CATSPER2: variants seen among roughly 807,000 people sequenced by gnomAD.
CATSPER2 encodes the protein cation channel sperm-associated protein 2.
Under a neutral mutation model 68.8 loss-of-function variants are expected in CATSPER2, and 56 were observed. That is an observed-to-expected ratio of 0.81 (90% CI 0.66 to 1.02). The LOEUF (loss-of-function observed/expected upper bound fraction) is 1.02, where lower values mean the gene tolerates loss of function less well. CATSPER2 is among the 50% of genes least tolerant of loss of function. The pLI is 0.00. For synonymous variants in CATSPER2, 198 were observed against 229.9 expected (o/e 0.86, Z 1.26); for missense variants, 582 against 642.0 (o/e 0.91, Z 1.01).
At chr15:43,644,597 T>C (rs1484668248) in intron 4 of CATSPER2, among the ~76,000 whole-genome samples, 3 of 151,944 alleles carry the variant, frequency 2.0e-5, no homozygotes, top group African/African-American at 7.3e-5. Flanking sequence ...CATTACCGCC[T>C]GAGCTCCACC....
intron 7 of CATSPER2, among the ~76,000 whole-genome samples, chr15:43,637,468 C>A (rs17727979): frequency 0.018 from 2,671 of 151,816 alleles, 61 homozygotes; most frequent in Middle Eastern, 0.041. Flanking sequence ...AGGATAAAAT[C>A]TGGGACTTTC....
intron 10 of CATSPER2, 26 bp downstream of exon 10, chr15:43,635,334 T>A: frequency 6.3e-7 from 1 of 1,586,068 alleles, no homozygotes; most frequent in Non-Finnish European, 8.6e-7. Flanking sequence ...TGTGTTTCTA[T>A]CCCAGTTCAC....
intron 12 of CATSPER2, 91 bp downstream of exon 12, chr15:43,632,108 T>C: frequency 7.1e-6 from 10 of 1,400,826 alleles, no homozygotes; most frequent in Non-Finnish European, 1.0e-5. Context: ...GAAGCTGAGA[T>C]GCCAGAATAG....
intron 4 of CATSPER2, among the ~76,000 whole-genome samples, chr15:43,644,201 T>TC (rs1316352747): frequency 6.6e-6 from 1 of 151,992 alleles, no homozygotes; most frequent in African/African-American, 2.4e-5. Flanking sequence ...CACTTTGTGA[T>TC]TGGAAAAAAA....
rs1372991382 is a variant in CATSPER2, at chr15:43,647,073, G to A, written c.365C>T (p.Thr122Met). The A allele has an allele frequency of 1.9e-6, 3 of 1,612,674 alleles. No individual in the cohort carries two copies. Among genetic ancestry groups the A allele is most frequent in the African/African-American group, 1.3e-5 (1 of 74,918 alleles). The change falls in exon 4 of 13, where the codon ACG becomes ATG. Residue 122 changes from threonine to methionine, a missense_variant. Transcript: ENST00000396879. The stretch of plus-strand genomic sequence containing the variant: ...ACCTATTTCAACCATCAATATGATC[G>A]TATTCAAAAAGACCAGGAAGATGAT... ...NFIIFLVFLN[T>M]IILMVEIELL... is the part of the protein sequence containing the mutation.
At chr15:43,638,465 T>C (rs1459495208) in intron 7 of CATSPER2, among the ~76,000 whole-genome samples, 2 of 151,404 alleles carry the variant, frequency 1.3e-5, no homozygotes, top group Non-Finnish European at 2.9e-5. Context: ...ATTTTTGTAT[T>C]TTTGGTAGAT....
chr15:43,635,070 T>A (rs1389670571), intron 10 of CATSPER2: 5 of 466,752 alleles, frequency 1.1e-5, no homozygotes, highest in African/African-American at 4.0e-5. Context: ...TCCTCTTTCA[T>A]CTTTTATAAG....
At position 43,648,792 on chromosome 15, in the gene CATSPER2, C is replaced by A; in HGVS notation, c.-166G>T. On this transcript the variant is annotated 5_prime_UTR_variant, in exon 1 of 13. Transcript: ENST00000396879. ...CGCTCGACCCCCAGGTTTCGGCTCA[C>A]CCCGGGACCCGGCCCTAGCCCCTAC... 4 of 1,532,106 alleles carry A rather than the reference C, an allele frequency of 2.6e-6. No homozygotes were observed. Among genetic ancestry groups the A allele is most frequent in the Non-Finnish European group, 3.5e-6 (4 of 1,143,012 alleles). 94.9% of individuals were successfully genotyped at this position (1,532,106 alleles called of 1,614,324 possible). A position where few individuals can be genotyped will look rare whatever the true frequency, so the allele number is the denominator to read the frequency against.
chr15:43,647,992 C>G lies in CATSPER2; in HGVS notation c.70G>C (p.Asp24His), dbSNP rs917085227. 2 of 1,613,640 alleles carry G rather than the reference C, an allele frequency of 1.2e-6. No homozygotes were observed. The highest frequency in any genetic ancestry group is 1.7e-4 in the Middle Eastern group (1 of 6,060). The change falls in exon 2 of 13, where the codon GAT (aspartate) becomes CAT (histidine). Residue 24 changes from aspartate to histidine, a missense_variant. Physicochemically the swap from Asp to His is moderately conservative, Grantham distance 81. Coordinates refer to ENST00000396879, the MANE Select transcript of CATSPER2 (RefSeq NM_172095.4). ...RADAIRSRLI[D>H]TFSLIEHLQG... is the part of the protein sequence containing the mutation. Reference sequence around the variant, plus strand: ...AAATGCTCAATGAGAGAGAAAGTATCGATGAGACGTGAACGAATGGCATCA... The same window carrying G: ...AAATGCTCAATGAGAGAGAAAGTATGGATGAGACGTGAACGAATGGCATCA...
In CATSPER2 at chr15:43,639,561, G is replaced by A. The variant is rs368298690; in HGVS notation, c.717+82C>T. ...ATTACAGGCGTGAGCCACCGCACCC[G>A]GCCAATTTGTTTCATATTCTATGTT... On this transcript the variant is annotated intron_variant, in intron 6 of 12. Transcript: ENST00000396879. 347 of 1,603,690 alleles carry A rather than the reference G, an allele frequency of 2.2e-4. 4 individuals carry two copies. In the Middle Eastern group the frequency reaches 3.1e-3, roughly 15 times the overall value.
intron 4 of CATSPER2, among the ~76,000 whole-genome samples, chr15:43,643,966 A>G (rs371537793): frequency 2.6e-5 from 4 of 151,926 alleles, no homozygotes; most frequent in Admixed American, 6.6e-5. Context: ...CTGCCACCTC[A>G]GCCTCCCAAT....
Position 43,630,318 on chromosome 15 carries a change from C to A in CATSPER2, c.*383G>T. 3.3e-6 allele frequency: 1 copy of A among 303,472 alleles called. No individual in the cohort carries two copies. Among genetic ancestry groups the A allele is most frequent in the Non-Finnish European group, 6.4e-6 (1 of 155,752 alleles). 18.8% of individuals were successfully genotyped at this position (303,472 alleles called of 1,614,324 possible). A position where few individuals can be genotyped will look rare whatever the true frequency, so the allele number is the denominator to read the frequency against. The stretch of plus-strand genomic sequence containing the variant: ...TACTTGACCTTATGCCTTTCAATAT[C>A]CCTTATCTCAGGGTCACACTACTGA... On this transcript the variant is annotated 3_prime_UTR_variant, in exon 13 of 13. Transcript: ENST00000396879.
At chr15:43,634,065 T>C (rs556975190) in intron 10 of CATSPER2, 1 of 152,130 alleles carries the variant, frequency 6.6e-6, no homozygotes, top group Admixed American at 6.5e-5. Flanking sequence ...CTTATCATAT[T>C]TTAACAGATT....
chr15:43,639,715 C>A lies in CATSPER2; in HGVS notation c.645G>T (p.Leu215=), dbSNP rs1208975073. The change falls in exon 6 of 13, where the codon CTG becomes CTT. Residue 215 remains leucine, a synonymous_variant. Transcript: ENST00000396879. ...ATTGTGCAAGGAGTTTGAGAGACCTCAGCACCCGGCAGATCCTCAGAAGCT... is the reference window on the plus strand; with the variant it reads ...ATTGTGCAAGGAGTTTGAGAGACCTAAGCACCCGGCAGATCCTCAGAAGCT... ...WLQLLRICRV[L]RSLKLLAQFR... is the part of the protein sequence containing the mutation. 1.2e-6 allele frequency: 2 copies of A among 1,613,098 alleles called. No homozygotes were observed. The highest frequency in any genetic ancestry group is 1.7e-6 in the Non-Finnish European group (2 of 1,179,620).
At position 43,648,057 on chromosome 15, in the gene CATSPER2, G is replaced by A; in HGVS notation, c.5C>T (p.Ala2Val). Residue 2 changes from alanine to valine, a missense_variant, in exon 2 of 13, where the codon GCC (alanine) becomes GTC (valine). Ala to Val is a moderately conservative substitution (Grantham distance 64). Coordinates refer to ENST00000396879, the MANE Select transcript of CATSPER2 (RefSeq NM_172095.4). M[A>V]AYQQEEQMQL... Reference sequence around the variant, plus strand: ...CATCTGCTCTTCTTGTTGGTAAGCGGCCATGTCTGCTAAGAAAATGTAAGC... The same window carrying A: ...CATCTGCTCTTCTTGTTGGTAAGCGACCATGTCTGCTAAGAAAATGTAAGC... 6.2e-7 allele frequency: 1 copy of A among 1,613,514 alleles called. No individual in the cohort carries two copies. Among genetic ancestry groups the A allele is most frequent in the Non-Finnish European group, 8.5e-7 (1 of 1,179,644 alleles).
Position 43,641,846 on chromosome 15 carries a change from C to G in CATSPER2, c.389-1350G>C, listed in dbSNP as rs1194044257. Reference sequence around the variant, plus strand: ...TAACTGGGACCACAGGCACATGTCACCATGCCCAGCTAATTTTTTCTTTAA... The same window carrying G: ...TAACTGGGACCACAGGCACATGTCAGCATGCCCAGCTAATTTTTTCTTTAA... On this transcript the variant is annotated intron_variant, in intron 4 of 12. Coordinates refer to ENST00000396879, the MANE Select transcript of CATSPER2 (RefSeq NM_172095.4). Among the ~76,000 whole-genome samples the G allele has an allele frequency of 3.3e-5, 5 of 151,866 alleles. 1 individual carries two copies. The highest frequency in any genetic ancestry group is 3.3e-4 in the Admixed American group (5 of 15,258).
At chr15:43,635,706 G>C in intron 9 of CATSPER2, 21 bp downstream of exon 9, 1 of 1,605,394 alleles carries the variant, frequency 6.2e-7, no homozygotes, top group Non-Finnish European at 8.5e-7. Flanking sequence ...GAAAGTTGGG[G>C]TTGAAAAGGG....
intron 6 of CATSPER2, 133 bp downstream of exon 6, chr15:43,639,510 C>T (rs1397303212): frequency 2.7e-6 from 4 of 1,467,232 alleles, no homozygotes; most frequent in Non-Finnish European, 3.7e-6. Flanking sequence ...CATGACCCAT[C>T]CCCCTCGGCT....
At chr15:43,644,544 G>A (rs1162706507) in intron 4 of CATSPER2, among the ~76,000 whole-genome samples, 1 of 151,952 alleles carries the variant, frequency 6.6e-6, no homozygotes, top group Non-Finnish European at 1.5e-5. Context: ...TGGTCTGTTA[G>A]GAACCCGGCC....
Sources: allele counts gnomAD v4.1 joint callset (sites outside exome capture counted in the v4.1 genomes callset), GRCh38; gene constraint gnomAD v4.1.1; transcripts MANE v1.5; gene names NCBI Gene and HGNC (gene_info 2026-07-23, HGNC 2026-07-21).